Variants in PPP6R2 observed in about 807,000 individuals in gnomAD.
PPP6R2 encodes the protein protein phosphatase 6 regulatory subunit 2.
Under a neutral mutation model 100.2 loss-of-function variants are expected in PPP6R2, and 62 were observed. The observed-to-expected ratio is 0.62, with a 90% CI of 0.50 to 0.76. PPP6R2 has a LOEUF of 0.76. Among genes scored for constraint, PPP6R2 ranks in the 30% least tolerant of loss-of-function variants. The pLI, the probability that PPP6R2 is intolerant of heterozygous loss-of-function variation, is 0.00. For missense variants in PPP6R2, 1,142 were observed against 1,276.3 expected (o/e 0.89, Z 1.60); for synonymous variants, 525 against 514.7 (o/e 1.02, Z -0.27).
At chr22:50,349,068 G>T (rs1008710849) in intron 1 of PPP6R2, among the ~76,000 whole-genome samples, 1 of 151,846 alleles carries the variant, frequency 6.6e-6, no homozygotes, top group Non-Finnish European at 1.5e-5. Context: ...GGTGGTGGGC[G>T]CCTGTAATCC....
At chr22:50,338,920 GTGGTATGTGGT>G (rs2042335649), upstream of PPP6R2, among the ~76,000 whole-genome samples, 1 of 137,276 alleles carries the variant, frequency 7.3e-6, no homozygotes, top group African/African-American at 2.8e-5. Context: ...GGTAGTGTGT[GTGGTATGTGGT>G]GTGTGTGGGT....
intron 1 of PPP6R2, among the ~76,000 whole-genome samples, chr22:50,367,401 G>T (rs1027719792): frequency 7.2e-5 from 11 of 152,216 alleles, no homozygotes; most frequent in African/African-American, 2.6e-4. Flanking sequence ...TTAGGTGGAG[G>T]GCACAGGCAA....
chr22:50,411,899 G>A (rs2059799541), intron 4 of PPP6R2, among the ~76,000 whole-genome samples: 1 of 151,784 alleles, frequency 6.6e-6, no homozygotes, highest in Admixed American at 6.6e-5. Flanking sequence ...CAAAAAATTG[G>A]CTGGACGTAG....
upstream of PPP6R2, among the ~76,000 whole-genome samples, chr22:50,340,267 GTGTGTGTGGTATGTGGTA>G (rs1417509824): frequency 7.3e-6 from 1 of 136,168 alleles, no homozygotes; most frequent in Non-Finnish European, 1.6e-5. Context: ...GGTGTGTGTG[GTGTGTGTGGTATGTGGTA>G]TGTGTGTGGT....
chr22:50,348,929 C>T (rs1400921235), intron 1 of PPP6R2, among the ~76,000 whole-genome samples: 7 of 152,096 alleles, frequency 4.6e-5, no homozygotes, highest in African/African-American at 1.4e-4. Context: ...CAGTGGCTCA[C>T]GCCTGTAATC....
At chr22:50,367,006 C>G (rs2048902985) in intron 1 of PPP6R2, among the ~76,000 whole-genome samples, 1 of 150,974 alleles carries the variant, frequency 6.6e-6, no homozygotes, top group South Asian at 2.1e-4. Flanking sequence ...TTAGTTGTTG[C>G]AGATGGGAAG....
At chr22:50,418,741 GAAC>G (rs1315644921) in intron 6 of PPP6R2, 123 bp from the exon 7 acceptor site, 6 of 730,366 alleles carry the variant, frequency 8.2e-6, no homozygotes, top group Non-Finnish European at 1.2e-5. Flanking sequence ...CAGTGGTATT[GAAC>G]AACAACGAAA....
chr22:50,332,274 C>T, the PPP6R2 span, among the ~76,000 whole-genome samples: 1 of 150,236 alleles, frequency 6.7e-6, no homozygotes, highest in African/African-American at 2.5e-5. Flanking sequence ...GTTGCCCAGA[C>T]TGGAGTGCAG....
chr22:50,339,071 GTGGTA>G, upstream of PPP6R2, among the ~76,000 whole-genome samples: 1 of 129,004 alleles, frequency 7.8e-6, no homozygotes, highest in African/African-American at 3.1e-5. Context: ...TGTGGTGTAT[GTGGTA>G]TGTGGTGTGT....
rs925738982 is a variant in PPP6R2 at position 50,444,467 on chromosome 22, G to C, written c.*220G>C. 3.0e-5 allele frequency: 16 copies of C among 539,762 alleles called. No homozygotes were observed. In the East Asian group the frequency reaches 5.8e-4, roughly 20 times the overall value. The allele number at this position is 539,762 out of a possible 1,614,324, so 33.4% of individuals were successfully genotyped here. ...ACTCGTGCCCTGCTGGAGGACAGAG[G>C]GGCACCTCAGCCGCCCCCAAGCCCA... On this transcript the variant is annotated 3_prime_UTR_variant, in exon 24 of 24. Transcript: ENST00000612753.
At chr22:50,430,443 T>C (rs2062919014) in intron 10 of PPP6R2, among the ~76,000 whole-genome samples, 1 of 152,216 alleles carries the variant, frequency 6.6e-6, no homozygotes, top group Non-Finnish European at 1.5e-5. Context: ...CTCACATACT[T>C]AGAACTGAAG....
At chr22:50,369,151 T>C (rs965842494) in intron 1 of PPP6R2, among the ~76,000 whole-genome samples, 3 of 151,378 alleles carry the variant, frequency 2.0e-5, no homozygotes, top group African/African-American at 7.3e-5. Context: ...GGCAGGAGAA[T>C]CGCTTGAACC....
intron 1 of PPP6R2, among the ~76,000 whole-genome samples, chr22:50,350,445 G>T (rs1001023431): frequency 1.1e-4 from 17 of 149,102 alleles, no homozygotes; most frequent in Non-Finnish European, 2.1e-4. Flanking sequence ...TGGCCAGGCT[G>T]GTCTCGAACT....
chr22:50,377,246 A>T (rs1240292145), intron 2 of PPP6R2, among the ~76,000 whole-genome samples: 1 of 151,660 alleles, frequency 6.6e-6, no homozygotes, highest in African/African-American at 2.4e-5. Flanking sequence ...TTGAGCCCAG[A>T]AGTTCAAGAC....
Position 50,439,722 on chromosome 22 carries a change from T to C in PPP6R2, c.2150T>C (p.Phe717Ser). ...GCAGGCGCCATGTGGACGGCAGTGT[T>C]TGATGAGCCAGCGAACTCAACGCCC... ...DSEGAMWTAV[F>S]DEPANSTPTA... Residue 717 changes from phenylalanine to serine, a missense_variant, in exon 20 of 24, where the codon TTT (phenylalanine) becomes TCT (serine). Physicochemically the swap from Phe to Ser is radical, Grantham distance 155 (BLOSUM62 -2). Coordinates refer to ENST00000612753, the MANE Select transcript of PPP6R2 (RefSeq NM_001242898.2). 3 of 1,607,660 alleles carry C rather than the reference T, an allele frequency of 1.9e-6. No individual in the cohort carries two copies. Among genetic ancestry groups the C allele is most frequent in the Non-Finnish European group, 2.5e-6 (3 of 1,176,842 alleles).
chr22:50,389,752 C>G (rs909360777), intron 2 of PPP6R2, among the ~76,000 whole-genome samples: 1 of 151,842 alleles, frequency 6.6e-6, no homozygotes, highest in Non-Finnish European at 1.5e-5. Flanking sequence ...ATGTGCACCA[C>G]CATGCCTGGC....
chr22:50,444,518 A>AGGAGCC lies in PPP6R2; in HGVS notation c.*274_*279dup. Reference sequence around the variant, plus strand: ...GAGCACAGCAATAAGGTCGGCCTGCAGGAGCCGGGGTGGGGGTGGGGGTGG... The same window carrying AGGAGCC: ...GAGCACAGCAATAAGGTCGGCCTGCAGGAGCCGGAGCCGGGGTGGGGGTGGGGGTGG... On this transcript the variant is annotated 3_prime_UTR_variant, in exon 24 of 24. Transcript: ENST00000612753. 7.1e-6 allele frequency: 1 copy of AGGAGCC among 140,858 alleles called. No homozygotes were observed. Among genetic ancestry groups the AGGAGCC allele is most frequent in the East Asian group, 3.0e-4 (1 of 3,304 alleles). The allele number at this position is 140,858 out of a possible 1,614,324, so 8.7% of individuals were successfully genotyped here. A position where few individuals can be genotyped will look rare whatever the true frequency, so the allele number is the denominator to read the frequency against.
At chr22:50,414,203 C>G (rs1369705712) in intron 4 of PPP6R2, among the ~76,000 whole-genome samples, 3 of 152,050 alleles carry the variant, frequency 2.0e-5, no homozygotes, top group Non-Finnish European at 4.4e-5. Context: ...CTGTCTATAC[C>G]ATTCGTTTCT....
chr22:50,420,941 C>T (rs1267835100), intron 8 of PPP6R2, among the ~76,000 whole-genome samples: 6 of 152,236 alleles, frequency 3.9e-5, no homozygotes, highest in African/African-American at 1.4e-4. Flanking sequence ...GTGGCCGTAG[C>T]TCCCTTATTT....
Sources: allele counts gnomAD v4.1 joint callset (sites outside exome capture counted in the v4.1 genomes callset), GRCh38; gene constraint gnomAD v4.1.1; transcripts MANE v1.5; gene names NCBI Gene and HGNC (gene_info 2026-07-23, HGNC 2026-07-21).